Variants in FAM117B observed in about 807,000 individuals in gnomAD.
FAM117B encodes the protein protein FAM117B.
A neutral mutation model predicts 52.8 loss-of-function variants in FAM117B; 22 were observed. The ratio of observed to expected loss-of-function variants is 0.42; its 90% confidence interval spans 0.30 to 0.59. The LOEUF is 0.59. Among genes scored for constraint, FAM117B ranks in the 20% least tolerant of loss-of-function variants. The pLI is 0.22. For synonymous variants in FAM117B, 309 were observed against 324.1 expected, an observed-to-expected ratio of 0.95 and a Z score of 0.50; for missense variants, 678 against 802.6, an observed-to-expected ratio of 0.84 and a Z score of 1.88.
At chr2:202,672,559 A>G (rs1690314762) in intron 1 of FAM117B, among the ~76,000 whole-genome samples, 1 of 152,202 alleles carries the variant, frequency 6.6e-6, no homozygotes, top group Non-Finnish European at 1.5e-5. Context: ...TTTTACAAAC[A>G]GTAAAAATAA....
intron 4 of FAM117B, among the ~76,000 whole-genome samples, chr2:202,733,641 C>G (rs1395672412): frequency 6.6e-6 from 1 of 152,182 alleles, no homozygotes; most frequent in African/African-American, 2.4e-5. Context: ...AAATATGGCT[C>G]TATTCTGCCC....
At position 202,755,616 on chromosome 2, in the gene FAM117B, G is replaced by A; in HGVS notation, c.1039G>A (p.Glu347Lys). The change falls in exon 5 of 8, where the codon GAA becomes AAA. Residue 347 changes from glutamate to lysine, a missense_variant. Glu to Lys is a moderately conservative substitution (Grantham distance 56, BLOSUM62 1). Around this residue, in one of 3 missense-constraint regions of FAM117B, gnomAD observed 583 missense variants for 644.8 expected, o/e 0.90. Transcript: ENST00000392238. Reference sequence around the variant, plus strand: ...AGGCTCCCGGTTCCGGAATAGCGTGGAAGGATTGAATCAGGAGATTGAAAT... The same window carrying A: ...AGGCTCCCGGTTCCGGAATAGCGTGAAAGGATTGAATCAGGAGATTGAAAT... ...STGSRFRNSV[E>K]GLNQEIEIII... 1 of 1,614,116 alleles carries A rather than the reference G, an allele frequency of 6.2e-7. No homozygotes were observed. The highest frequency in any genetic ancestry group is 8.5e-7 in the Non-Finnish European group (1 of 1,179,980).
At chr2:202,722,405 C>T (rs915562501) in intron 2 of FAM117B, among the ~76,000 whole-genome samples, 80 of 152,126 alleles carry the variant, frequency 5.3e-4, no homozygotes, top group Non-Finnish European at 7.4e-5. Context: ...ACAATAGCAA[C>T]GACATGGAAT....
At chr2:202,653,108 A>G (rs1346240323) in intron 1 of FAM117B, among the ~76,000 whole-genome samples, 3 of 152,100 alleles carry the variant, frequency 2.0e-5, no homozygotes, top group African/African-American at 7.2e-5. Flanking sequence ...CTCTACAAAA[A>G]AATTGAAAAA....
chr2:202,690,637 C>A (rs1382236998), intron 1 of FAM117B, among the ~76,000 whole-genome samples: 1 of 152,100 alleles, frequency 6.6e-6, no homozygotes, highest in East Asian at 1.9e-4. Flanking sequence ...AGGGTAGAGA[C>A]AAACACCTAG....
chr2:202,731,369 G>A (rs374515091), intron 4 of FAM117B, among the ~76,000 whole-genome samples: 392 of 30,156 alleles, frequency 0.013, 1 homozygote, highest in Non-Finnish European at 0.019. Flanking sequence ...ATATATATAT[G>A]GAGAGAGAGA....
chr2:202,756,969 A>T (rs1691808916), intron 5 of FAM117B, among the ~76,000 whole-genome samples: 1 of 152,164 alleles, frequency 6.6e-6, no homozygotes, highest in Admixed American at 6.5e-5. Flanking sequence ...TCATTTATTC[A>T]GCAAGCATTG....
intron 2 of FAM117B, among the ~76,000 whole-genome samples, chr2:202,698,294 C>T (rs1013487200): frequency 2.0e-5 from 3 of 152,198 alleles, no homozygotes; most frequent in East Asian, 1.9e-4. Flanking sequence ...AATCTTGAAA[C>T]GGAATCCTAC....
At chr2:202,642,117 C>CTT (rs780615722) in intron 1 of FAM117B, among the ~76,000 whole-genome samples, 2 of 128,824 alleles carry the variant, frequency 1.6e-5, no homozygotes, top group East Asian at 2.2e-4. Flanking sequence ...GATTTTTGTA[C>CTT]TTTTTTTTTT....
intron 1 of FAM117B, among the ~76,000 whole-genome samples, chr2:202,644,053 GTTTTTTTTTTGTTTT>G (rs1462468649): frequency 3.3e-5 from 2 of 60,152 alleles, no homozygotes; most frequent in African/African-American, 8.0e-5. Context: ...TTTAGGAGCT[GTTTTTTTTTTGTTTT>G]TTTTTTTTTT....
intron 2 of FAM117B, among the ~76,000 whole-genome samples, chr2:202,696,945 TGTAGTACCAGCTAC>T (rs1690720499): frequency 6.6e-6 from 1 of 152,154 alleles, no homozygotes; most frequent in Admixed American, 6.5e-5. Flanking sequence ...GGTGCACACT[TGTAGTACCAGCTAC>T]TTGGGAGGCT....
chr2:202,681,932 A>G (rs1391624336), intron 1 of FAM117B, among the ~76,000 whole-genome samples: 4 of 152,130 alleles, frequency 2.6e-5, no homozygotes, highest in Non-Finnish European at 4.4e-5. Context: ...CCCGCCCCTC[A>G]TTCTGTGCCC....
intron 4 of FAM117B, among the ~76,000 whole-genome samples, chr2:202,727,302 G>A (rs986847088): frequency 7.1e-4 from 108 of 152,076 alleles, no homozygotes; most frequent in African/African-American, 2.4e-3. Flanking sequence ...ACTGTGGCCC[G>A]GGAGCCAAGA....
Position 202,766,312 on chromosome 2 carries a change from G to C in FAM117B, c.*548G>C, listed in dbSNP as rs1691979777. On this transcript the variant is annotated 3_prime_UTR_variant, in exon 8 of 8. Coordinates refer to ENST00000392238, the MANE Select transcript of FAM117B (RefSeq NM_173511.4). The stretch of plus-strand genomic sequence containing the variant: ...GCTTTTCTCAGCTGTTTTCAGCTTT[G>C]GGACCAAAGGGATTGTTGACGTTTT... The C allele has an allele frequency of 6.5e-6, 1 of 152,994 alleles. No homozygotes were observed. The highest frequency in any genetic ancestry group is 3.4e-3 in the Middle Eastern group (1 of 294). The allele number at this position is 152,994 out of a possible 1,614,324, so 9.5% of individuals were successfully genotyped here.
intron 4 of FAM117B, among the ~76,000 whole-genome samples, chr2:202,754,856 C>T (rs560286433): frequency 1.4e-5 from 2 of 140,118 alleles, no homozygotes; most frequent in African/African-American, 2.7e-5. Flanking sequence ...CATCACTGTG[C>T]TCCAACCTGG....
intron 4 of FAM117B, among the ~76,000 whole-genome samples, chr2:202,737,058 T>C (rs1691451513): frequency 6.6e-6 from 1 of 151,646 alleles, no homozygotes; most frequent in Admixed American, 6.6e-5. Flanking sequence ...ATGAAAGGAG[T>C]CAAAAACAGC....
intron 1 of FAM117B, 21 bp downstream of exon 1, chr2:202,635,809 A>G: frequency 7.1e-7 from 1 of 1,414,700 alleles, no homozygotes; most frequent in Admixed American, 2.8e-5. Flanking sequence ...GGGGTCGCGC[A>G]GCAAGGGGGA....
intron 1 of FAM117B, among the ~76,000 whole-genome samples, chr2:202,692,944 T>G (rs893666791): frequency 6.6e-6 from 1 of 152,208 alleles, no homozygotes; most frequent in African/African-American, 2.4e-5. Context: ...TTAATTTTTA[T>G]GGATTACAAA....
At chr2:202,689,849 G>A (rs945689691) in intron 1 of FAM117B, among the ~76,000 whole-genome samples, 1 of 152,052 alleles carries the variant, frequency 6.6e-6, no homozygotes, top group Non-Finnish European at 1.5e-5. Context: ...GCCCAGGATG[G>A]TGAGGCTGCT....
Sources: gnomAD v4.1 joint callset for allele counts (sites outside exome capture counted in the v4.1 genomes callset) on GRCh38, gnomAD v4.1.1 for gene constraint, gnomAD v4.1.1 regional missense constraint, MANE v1.5 for transcripts, NCBI Gene and HGNC (gene_info 2026-07-23, HGNC 2026-07-21) for gene names.